SGCZ: variants seen among roughly 807,000 people sequenced by gnomAD.
The protein encoded by SGCZ is zeta-sarcoglycan.
A neutral mutation model predicts 41.3 loss-of-function variants in SGCZ; 40 were observed. That is an observed-to-expected ratio of 0.97 (90% CI 0.75 to 1.26). SGCZ has a LOEUF of 1.26. SGCZ is among the 50% of genes most tolerant of loss of function. The pLI is 0.00. For synonymous variants in SGCZ, 206 were observed against 137.5 expected, an observed-to-expected ratio of 1.50 and a Z score of -3.49; for missense variants, 552 against 369.8, an observed-to-expected ratio of 1.49 and a Z score of -4.04.
chr8:14,923,089 A>G (rs1799638715), intron 1 of SGCZ, among the ~76,000 whole-genome samples: 1 of 152,150 alleles, frequency 6.6e-6, no homozygotes, highest in African/African-American at 2.4e-5. Flanking sequence ...GAAATTTTAC[A>G]GCTAGTGTCT....
At chr8:14,199,264 T>C (rs569932666) in intron 4 of SGCZ, among the ~76,000 whole-genome samples, 11 of 152,246 alleles carry the variant, frequency 7.2e-5, no homozygotes, top group Non-Finnish European at 1.3e-4. Flanking sequence ...AGCGGACAGA[T>C]GAAATAAGCC....
rs975685705 is a variant in SGCZ at position 14,311,750 on chromosome 8, C to T, written c.336+12353G>A. ...ATTTAATTTGTATTCTTTGAATATA[C>T]GAATCATTCATTCACCCAGTAAAGT... On this transcript the variant is annotated intron_variant, in intron 3 of 7. Transcript: ENST00000382080. Among the ~76,000 whole-genome samples, 49 of 152,048 alleles carry T rather than the reference C, an allele frequency of 3.2e-4. 1 individual carries two copies. The highest frequency in any genetic ancestry group is 1.2e-3 in the African/African-American group (48 of 41,404).
At chr8:14,464,722 T>A (rs1801000499) in intron 2 of SGCZ, among the ~76,000 whole-genome samples, 1 of 151,632 alleles carries the variant, frequency 6.6e-6, no homozygotes, top group African/African-American at 2.4e-5. Context: ...CTTTTAAACA[T>A]TTATAACTAT....
chr8:14,578,890 GT>G (rs1804797881), intron 1 of SGCZ, among the ~76,000 whole-genome samples: 1 of 152,064 alleles, frequency 6.6e-6, no homozygotes, highest in Non-Finnish European at 1.5e-5. Context: ...AATTTTAATT[GT>G]TGAAAATCTA....
intron 3 of SGCZ, among the ~76,000 whole-genome samples, chr8:14,318,618 C>T (rs890694640): frequency 2.0e-5 from 3 of 152,020 alleles, no homozygotes; most frequent in East Asian, 1.9e-4. Context: ...AAGTATTCTA[C>T]AGGAGAGAAA....
rs138645245 is a variant in SGCZ at position 14,840,374 on chromosome 8, G to A, written c.40-285448C>T. 2.7e-3 allele frequency among the ~76,000 whole-genome samples: 417 copies of A among 152,154 alleles called. 2 individuals carry two copies. The highest frequency in any genetic ancestry group is 9.6e-3 in the African/African-American group (398 of 41,516). Reference sequence around the variant, plus strand: ...AATAACTGAATCAATAATCAAATGTGAATTCACATTGATTTATTTGAATAT... The same window carrying A: ...AATAACTGAATCAATAATCAAATGTAAATTCACATTGATTTATTTGAATAT... On this transcript the variant is annotated intron_variant, in intron 1 of 7. Transcript: ENST00000382080.
intron 2 of SGCZ, among the ~76,000 whole-genome samples, chr8:14,504,357 T>C (rs1260754379): frequency 1.3e-5 from 2 of 152,212 alleles, no homozygotes; most frequent in Non-Finnish European, 1.5e-5. Flanking sequence ...TTCTGATTAG[T>C]TATCTGCTCC....
chr8:14,541,376 G>T (rs553767690), intron 2 of SGCZ, among the ~76,000 whole-genome samples: 2 of 151,772 alleles, frequency 1.3e-5, no homozygotes, highest in Non-Finnish European at 1.5e-5. Flanking sequence ...GTTCAGCTCC[G>T]AGTGAGAACA....
intron 1 of SGCZ, among the ~76,000 whole-genome samples, chr8:14,564,979 T>C (rs949870202): frequency 6.6e-6 from 1 of 152,084 alleles, no homozygotes; most frequent in Non-Finnish European, 1.5e-5. Context: ...ACTTGGTTTA[T>C]GGAAAATGCT....
chr8:14,252,239 T>C (rs961814084), intron 3 of SGCZ, among the ~76,000 whole-genome samples: 1 of 152,162 alleles, frequency 6.6e-6, no homozygotes, highest in Admixed American at 6.5e-5. Context: ...TAGCAGTTCT[T>C]AGCTATGTTA....
intron 2 of SGCZ, among the ~76,000 whole-genome samples, chr8:14,459,604 A>T (rs1266647113): frequency 1.3e-5 from 2 of 152,132 alleles, no homozygotes; most frequent in African/African-American, 4.8e-5. Flanking sequence ...ATCTCAAGAC[A>T]TTTATTAATT....
chr8:14,906,903 T>C (rs1799134702), intron 1 of SGCZ, among the ~76,000 whole-genome samples: 1 of 152,196 alleles, frequency 6.6e-6, no homozygotes, highest in African/African-American at 2.4e-5. Context: ...AATGGCATTG[T>C]TATGGAGTCA....
intron 4 of SGCZ, among the ~76,000 whole-genome samples, chr8:14,199,784 C>G (rs917964195): frequency 6.6e-6 from 1 of 152,052 alleles, no homozygotes; most frequent in African/African-American, 2.4e-5. Flanking sequence ...AAGAAATAAA[C>G]GCATTTCCTT....
chr8:15,013,842 G>A (rs1374745560), intron 1 of SGCZ, among the ~76,000 whole-genome samples: 1 of 152,146 alleles, frequency 6.6e-6, no homozygotes, highest in African/African-American at 2.4e-5. Context: ...CAGCAAACGA[G>A]GCATGTTTGT....
At chr8:14,337,034 C>G (rs571648529) in intron 2 of SGCZ, among the ~76,000 whole-genome samples, 1 of 152,202 alleles carries the variant, frequency 6.6e-6, no homozygotes, top group African/African-American at 2.4e-5. Context: ...CCTATTTTCC[C>G]AATTACTGGG....
At chr8:15,200,446 G>A (rs188069734) in intron 1 of SGCZ, among the ~76,000 whole-genome samples, 2 of 152,072 alleles carry the variant, frequency 1.3e-5, no homozygotes, top group African/African-American at 4.8e-5. Flanking sequence ...AAAAGTAGAC[G>A]TGGCTGAGCT....
chr8:14,113,425 C>T (rs1206897278), intron 5 of SGCZ, among the ~76,000 whole-genome samples: 1 of 151,862 alleles, frequency 6.6e-6, no homozygotes, highest in Non-Finnish European at 1.5e-5. Flanking sequence ...CGTTTCAGGC[C>T]AAAAAAATTG....
intron 2 of SGCZ, among the ~76,000 whole-genome samples, chr8:14,505,411 C>A (rs1482196929): frequency 2.6e-5 from 4 of 152,218 alleles, no homozygotes; most frequent in South Asian, 2.1e-4. Flanking sequence ...GTTATTCTAG[C>A]AAATCCAAGC....
intron 3 of SGCZ, among the ~76,000 whole-genome samples, chr8:14,252,018 G>A (rs1262941314): frequency 6.6e-6 from 1 of 152,058 alleles, no homozygotes; most frequent in Non-Finnish European, 1.5e-5. Flanking sequence ...CCTGATTCAT[G>A]TCTTTTATTA....
Sources: gnomAD v4.1 joint callset for allele counts (sites outside exome capture counted in the v4.1 genomes callset) on GRCh38, gnomAD v4.1.1 for gene constraint, MANE v1.5 for transcripts, NCBI Gene and HGNC (gene_info 2026-07-23, HGNC 2026-07-21) for gene names.